Variants in TBCCD1 observed in about 807,000 individuals in gnomAD.
The protein encoded by TBCCD1 is TBCC domain containing 1.
Under a neutral mutation model 53.4 loss-of-function variants are expected in TBCCD1, and 26 were observed. The ratio of observed to expected loss-of-function variants is 0.49; its 90% CI spans 0.36 to 0.68. TBCCD1 has a LOEUF of 0.68. Among genes scored for constraint, TBCCD1 ranks in the 30% least tolerant of loss-of-function variants. The pLI is 0.00. For missense variants in TBCCD1, 558 were observed against 669.5 expected, an observed-to-expected ratio of 0.83 and a Z score of 1.84; for synonymous variants, 245 against 241.7, an observed-to-expected ratio of 1.01 and a Z score of -0.13.
In TBCCD1 at chr3:186,565,870, T is replaced by C. The variant is rs190678694; in HGVS notation, c.-44+1397A>G. Among the ~76,000 whole-genome samples the C allele has an allele frequency of 1.2e-3, 181 of 152,370 alleles. 1 individual carries two copies. Among genetic ancestry groups the C allele is most frequent in the Admixed American group, 0.011 (166 of 15,308 alleles). On this transcript the variant is annotated intron_variant, in intron 1 of 7. Transcript: ENST00000338733. The stretch of plus-strand genomic sequence containing the variant: ...GTTGCTTCCAAATGATTTTATCAAA[T>C]TGTACCATCCTTTGACTCTGGTACC...
At chr3:186,567,340 C>T (rs771611215), upstream of TBCCD1, 5 of 152,560 alleles carry the variant, frequency 3.3e-5, no homozygotes, top group African/African-American at 1.2e-4. Flanking sequence ...CTGGGCCCGC[C>T]CCTCACCCTC....
chr3:186,564,597 T>C (rs749137071), intron 1 of TBCCD1, among the ~76,000 whole-genome samples: 16 of 152,202 alleles, frequency 1.1e-4, no homozygotes, highest in Non-Finnish European at 1.8e-4. Context: ...CTTGAATTGT[T>C]AGAAATCCTT....
At chr3:186,562,698 T>G (rs181135961) in intron 2 of TBCCD1, among the ~76,000 whole-genome samples, 70 of 143,716 alleles carry the variant, frequency 4.9e-4, no homozygotes, top group Non-Finnish European at 8.2e-4. Context: ...TCTTAACAGA[T>G]ACACACACAA....
intron 2 of TBCCD1, among the ~76,000 whole-genome samples, chr3:186,561,341 G>A (rs956074363): frequency 1.3e-5 from 2 of 152,182 alleles, no homozygotes; most frequent in Admixed American, 6.5e-5. Context: ...ACGAAAAGGT[G>A]CTCAACATCA....
rs377580720 is a variant in TBCCD1 at position 186,556,459 on chromosome 3, C to T, written c.809G>A (p.Gly270Asp). The change falls in exon 4 of 8, where the codon GGT becomes GAT. Residue 270 changes from glycine (G) to aspartate (D), a missense_variant. Transcript: ENST00000338733. ...TCCAGACTTGAGGCAAGCTGATGTA[C>T]CAAATGGATTCCCAGTCAAACAGGA... ...LRSCLTGNPF[G>D]TSACLKSGKK... The T allele has an allele frequency of 6.8e-6, 11 of 1,608,198 alleles. No homozygotes were observed. Among genetic ancestry groups the T allele is most frequent in the African/African-American group, 1.3e-5 (1 of 74,424 alleles).
At chr3:186,551,434 C>T (rs886624677) in intron 6 of TBCCD1, among the ~76,000 whole-genome samples, 155 bp from the exon 7 acceptor site, 1 of 151,996 alleles carries the variant, frequency 6.6e-6, no homozygotes, top group Non-Finnish European at 1.5e-5. Context: ...CACTGGACAC[C>T]CCCACCCCAC....
In TBCCD1 at chr3:186,554,661, T is replaced by C. The variant is rs768243738; in HGVS notation, c.1137A>G (p.Lys379=). 5 of 1,614,212 alleles carry C rather than the reference T, an allele frequency of 3.1e-6. No individual in the cohort carries two copies. The Admixed American group carries it at 8.3e-5, about 27-fold the overall frequency. ...TLHLHSCDNV[K]VIAVCHRLSI... is the part of the protein sequence containing the mutation. Reference sequence around the variant, plus strand: ...ACAAACGATGGCAAACAGCAATGACTTTAACATTGTCACAACTGTGGAGGT... The same window carrying C: ...ACAAACGATGGCAAACAGCAATGACCTTAACATTGTCACAACTGTGGAGGT... The change falls in exon 6 of 8, where the codon AAA becomes AAG. Residue 379 remains lysine, a synonymous_variant. Transcript: ENST00000338733.
At chr3:186,553,974 C>A (rs1868141) in intron 6 of TBCCD1, among the ~76,000 whole-genome samples, 10,574 of 152,036 alleles carry the variant, frequency 0.07, 431 homozygotes, top group African/African-American at 0.12. Flanking sequence ...CAGCCTCCCA[C>A]GTAGATGGAA....
At position 186,564,213 on chromosome 3, in the gene TBCCD1, A is replaced by G. The variant is rs754460959; in HGVS notation, c.117T>C (p.Tyr39=). Residue 39 remains tyrosine, a synonymous_variant, in exon 2 of 8, where the codon TAT becomes TAC. Transcript: ENST00000338733. ...CTCCTTCTGTGGCCCGGATTTGCAC[A>G]TAGGTGGATATCTTCCTGAGATAGT... ...SLHYLRKIST[Y]VQIRATEGAY... is the part of the protein sequence containing the mutation. The G allele has an allele frequency of 3.1e-6, 5 of 1,614,188 alleles. No homozygotes were observed. The highest frequency in any genetic ancestry group is 2.5e-6 in the Non-Finnish European group (3 of 1,180,032).
intron 7 of TBCCD1, among the ~76,000 whole-genome samples, chr3:186,550,842 T>C (rs941008023): frequency 6.6e-6 from 1 of 152,164 alleles, no homozygotes; most frequent in Non-Finnish European, 1.5e-5. Flanking sequence ...GAACTATGTA[T>C]GGGGGAATGT....
upstream of TBCCD1, chr3:186,570,415 G>A (rs1714985003): frequency 4.2e-6 from 2 of 476,376 alleles, no homozygotes; most frequent in African/African-American, 2.0e-5. Context: ...GAGGAAGTGG[G>A]CAAGCCGGAG....
chr3:186,566,507 G>GA (rs965704557), intron 1 of TBCCD1, among the ~76,000 whole-genome samples: 11 of 150,998 alleles, frequency 7.3e-5, no homozygotes, highest in East Asian at 5.8e-4. Flanking sequence ...CATTTTCGAT[G>GA]AAAAAAAAAT....
Position 186,554,525 on chromosome 3 carries a change from T to C in TBCCD1, c.1273A>G (p.Met425Val), listed in dbSNP as rs527406347. Residue 425 changes from methionine to valine, a missense_variant, in exon 6 of 8, where the codon ATG becomes GTG. Met to Val is a conservative substitution (Grantham distance 21, BLOSUM62 1). Coordinates refer to ENST00000338733, the MANE Select transcript of TBCCD1 (RefSeq NM_018138.5). ...GTCCTGGCCATATGGTCCTCTAGCA[T>C]TGGGTAATGTGTATGAAAAGGGGCA... ...TFAPFHTHYPMLEDHMARTGL... is the reference protein window; with the variant it reads ...TFAPFHTHYPVLEDHMARTGL... 64 of 1,614,202 alleles carry C rather than the reference T, an allele frequency of 4.0e-5. No individual in the cohort carries two copies. Among genetic ancestry groups the C allele is most frequent in the South Asian group, 4.0e-4 (36 of 91,082 alleles).
At chr3:186,558,020 T>C (rs1714589356) in intron 3 of TBCCD1, among the ~76,000 whole-genome samples, 1 of 152,220 alleles carries the variant, frequency 6.6e-6, no homozygotes, top group South Asian at 2.1e-4. Flanking sequence ...ACGTATGTAA[T>C]TACTTAAACA....
intron 2 of TBCCD1, 79 bp downstream of exon 2, chr3:186,563,915 A>G (rs1224114200): frequency 6.9e-7 from 1 of 1,456,784 alleles, no homozygotes; most frequent in Non-Finnish European, 9.1e-7. Flanking sequence ...AAATTGTAAT[A>G]AGCAAAAACA....
chr3:186,556,929 G>C (rs892546889), intron 3 of TBCCD1, among the ~76,000 whole-genome samples, 154 bp from the exon 4 acceptor site: 2 of 152,146 alleles, frequency 1.3e-5, no homozygotes, highest in Admixed American at 6.5e-5. Flanking sequence ...CGCCCGGCTT[G>C]GCCTCAGAAT....
At chr3:186,550,795 A>G (rs1468721419) in intron 7 of TBCCD1, among the ~76,000 whole-genome samples, 1 of 152,154 alleles carries the variant, frequency 6.6e-6, no homozygotes, top group African/African-American at 2.4e-5. Flanking sequence ...AGGGGAATGG[A>G]TAAGAGGAAA....
chr3:186,550,997 T>C, intron 7 of TBCCD1, 132 bp downstream of exon 7: 2 of 811,230 alleles, frequency 2.5e-6, no homozygotes, highest in East Asian at 2.8e-5. Flanking sequence ...TATGGGTACA[T>C]AAAGGTCCGT....
upstream of TBCCD1, among the ~76,000 whole-genome samples, chr3:186,569,510 G>A (rs1239774452): frequency 1.3e-5 from 2 of 151,846 alleles, no homozygotes; most frequent in East Asian, 3.9e-4. Flanking sequence ...GTAGAGACAG[G>A]GTTTCATCAT....
Sources: allele counts gnomAD v4.1 joint callset (sites outside exome capture counted in the v4.1 genomes callset), GRCh38; gene constraint gnomAD v4.1.1; transcripts MANE v1.5; gene names NCBI Gene and HGNC (gene_info 2026-07-23, HGNC 2026-07-21).